SND1: variants seen among roughly 807,000 people sequenced by gnomAD.
The protein encoded by SND1 is staphylococcal nuclease domain-containing protein 1.
SND1 carries 38 observed loss-of-function variants against 121.7 expected under a neutral mutation model. That is an observed-to-expected ratio of 0.31 (90% CI 0.24 to 0.41). The LOEUF (loss-of-function observed/expected upper bound fraction) is 0.41, where lower values mean the gene tolerates loss of function less well. Among genes scored for constraint, SND1 ranks in the 10% least tolerant of loss-of-function variants. The pLI is 1.00. For missense variants in SND1, 868 were observed against 1,184.6 expected, an observed-to-expected ratio of 0.73 and a Z score of 3.92; for synonymous variants, 401 against 447.4, an observed-to-expected ratio of 0.90 and a Z score of 1.31.
intron 16 of SND1, among the ~76,000 whole-genome samples, chr7:128,053,568 A>G (rs1330321651): frequency 6.6e-6 from 1 of 152,140 alleles, no homozygotes; most frequent in Non-Finnish European, 1.5e-5. Flanking sequence ...CAGAAGTGAG[A>G]TACCTGGGCA....
chr7:128,035,082 G>A lies in SND1; in HGVS notation c.1780-39420G>A, dbSNP rs538253985. ...CCAGAGAGAGCTAAAAAAGCCAGCA[G>A]TGATTGGGGAAGGCCTGTGTCAGCA... On this transcript the variant is annotated intron_variant, in intron 16 of 23. Coordinates refer to ENST00000354725, the MANE Select transcript of SND1 (RefSeq NM_014390.4). Among the ~76,000 whole-genome samples, 3 of 152,350 alleles carry A rather than the reference G, an allele frequency of 2.0e-5. No individual in the cohort carries two copies. In the South Asian group the frequency reaches 6.2e-4, roughly 32 times the overall value.
At chr7:127,911,879 T>C (rs1285159078) in intron 14 of SND1, among the ~76,000 whole-genome samples, 1 of 152,212 alleles carries the variant, frequency 6.6e-6, no homozygotes, top group African/African-American at 2.4e-5. Context: ...ATCTTGATTC[T>C]GCCAGAGAGT....
intron 1 of SND1, among the ~76,000 whole-genome samples, chr7:127,668,534 AG>A (rs1795458750): frequency 6.6e-6 from 1 of 152,246 alleles, no homozygotes; most frequent in Non-Finnish European, 1.5e-5. Flanking sequence ...GAACAAGACC[AG>A]GAAAAAATAA....
At chr7:127,722,361 G>A (rs996209129) in intron 10 of SND1, among the ~76,000 whole-genome samples, 1 of 149,986 alleles carries the variant, frequency 6.7e-6, no homozygotes, top group Non-Finnish European at 1.5e-5. Context: ...ACACTGGAGT[G>A]CAGTGGCTAT....
At chr7:127,959,703 G>C (rs1801682559) in intron 15 of SND1, among the ~76,000 whole-genome samples, 1 of 152,110 alleles carries the variant, frequency 6.6e-6, no homozygotes, top group Admixed American at 6.5e-5. Context: ...CATCCAACAT[G>C]GTATGCATTT....
At chr7:127,739,570 G>A (rs752058426) in intron 10 of SND1, among the ~76,000 whole-genome samples, 40 of 152,132 alleles carry the variant, frequency 2.6e-4, no homozygotes, top group Admixed American at 1.0e-3. Flanking sequence ...TCCCCTGGGT[G>A]GGTGGTAATA....
At chr7:127,861,164 G>A (rs1799371380) in intron 12 of SND1, among the ~76,000 whole-genome samples, 1 of 152,166 alleles carries the variant, frequency 6.6e-6, no homozygotes, top group Non-Finnish European at 1.5e-5. Flanking sequence ...AAACTAGCCA[G>A]TGCCATATGT....
intron 1 of SND1, among the ~76,000 whole-genome samples, chr7:127,663,410 T>C (rs1795354069): frequency 6.6e-6 from 1 of 151,468 alleles, no homozygotes; most frequent in South Asian, 2.1e-4. Context: ...TCTCGCTCTG[T>C]CGCCAGGCTG....
At chr7:127,715,216 G>C (rs1796366436) in intron 9 of SND1, among the ~76,000 whole-genome samples, 1 of 151,130 alleles carries the variant, frequency 6.6e-6, no homozygotes, top group Non-Finnish European at 1.5e-5. Flanking sequence ...ATGTCTCATT[G>C]TGGTTTTCAT....
chr7:127,979,766 G>A (rs1802214973), intron 15 of SND1, among the ~76,000 whole-genome samples: 1 of 152,212 alleles, frequency 6.6e-6, no homozygotes, highest in South Asian at 2.1e-4. Context: ...AACCTTTGAA[G>A]AGGAATTTAT....
At chr7:127,895,375 T>C (rs1800098464) in intron 13 of SND1, among the ~76,000 whole-genome samples, 1 of 152,086 alleles carries the variant, frequency 6.6e-6, no homozygotes, top group Non-Finnish European at 1.5e-5. Flanking sequence ...GACTGCCCTC[T>C]TCACCCTCTG....
intron 2 of SND1, among the ~76,000 whole-genome samples, chr7:127,693,437 A>G (rs147210589): frequency 6.6e-6 from 1 of 152,324 alleles, no homozygotes; most frequent in East Asian, 1.9e-4. Context: ...CTAGAACCTC[A>G]TGATTTATGT....
chr7:127,706,461 C>T (rs564355361), intron 8 of SND1, among the ~76,000 whole-genome samples: 53 of 152,048 alleles, frequency 3.5e-4, no homozygotes, highest in Middle Eastern at 3.4e-3. Context: ...GGTTTCACCA[C>T]GTTGGCCAGG....
At chr7:127,847,615 A>AT (rs1378369648) in intron 12 of SND1, among the ~76,000 whole-genome samples, 12 of 152,184 alleles carry the variant, frequency 7.9e-5, no homozygotes, top group African/African-American at 2.7e-4. Flanking sequence ...AGAACCTTAT[A>AT]TTTTTGTGAT....
At chr7:127,834,150 G>A (rs1041879779) in intron 11 of SND1, among the ~76,000 whole-genome samples, 2 of 152,130 alleles carry the variant, frequency 1.3e-5, no homozygotes, top group Non-Finnish European at 2.9e-5. Context: ...AAATTCTTCT[G>A]TGAGCCTGGG....
In SND1 at chr7:127,744,416, C is replaced by T. The variant is rs143057680; in HGVS notation, c.1152+23016C>T. ...TAATGAAACATTTACTCGCTAGGTA[C>T]GTCACAGTTTTTATTCTTGTATCCA... is the stretch of plus-strand genomic sequence containing the variant. On this transcript the variant is annotated intron_variant, in intron 10 of 23. Transcript: ENST00000354725. 8.0e-3 allele frequency among the ~76,000 whole-genome samples: 1,220 copies of T among 152,118 alleles called. 16 individuals are homozygous for T. The highest frequency in any genetic ancestry group is 0.017 in the Middle Eastern group (5 of 294).
intron 10 of SND1, among the ~76,000 whole-genome samples, chr7:127,760,932 G>GA (rs1281451937): frequency 6.6e-6 from 1 of 152,158 alleles, no homozygotes; most frequent in Admixed American, 6.5e-5. Context: ...TATTCTCAAC[G>GA]AAATTCTAGA....
At chr7:128,084,969 G>A in intron 19 of SND1, 122 bp downstream of exon 19, 1 of 993,104 alleles carries the variant, frequency 1.0e-6, no homozygotes, top group South Asian at 1.9e-5. Context: ...GCCCCTAGCA[G>A]CTCTCCTGGG....
At chr7:127,738,273 C>CTTT (rs869045037) in intron 10 of SND1, among the ~76,000 whole-genome samples, 1 of 131,946 alleles carries the variant, frequency 7.6e-6, no homozygotes. Context: ...AAAGGTGTTT[C>CTTT]TTTTTTTTTT....
Sources: allele counts gnomAD v4.1 joint callset (sites outside exome capture counted in the v4.1 genomes callset), GRCh38; gene constraint gnomAD v4.1.1; transcripts MANE v1.5; gene names NCBI Gene and HGNC (gene_info 2026-07-23, HGNC 2026-07-21).